The following FSTL4 variants were observed in gnomAD, a reference collection of about 807,000 sequenced individuals.
FSTL4 encodes follistatin like 4.
A neutral mutation model predicts 78.2 loss-of-function variants in FSTL4; 28 were observed. The observed-to-expected ratio is 0.36, with a 90% CI of 0.27 to 0.49. The LOEUF (loss-of-function observed/expected upper bound fraction) is 0.49, where lower values mean the gene tolerates loss of function less well. Among genes scored for constraint, FSTL4 ranks in the 20% least tolerant of loss-of-function variants. The pLI is 0.98. For missense variants in FSTL4, 922 were observed against 1,084.9 expected (o/e 0.85, Z 2.11); for synonymous variants, 422 against 440.5 (o/e 0.96, Z 0.53).
chr5:133,699,198 G>A, the FSTL4 span, among the ~76,000 whole-genome samples: 1 of 152,110 alleles, frequency 6.6e-6, no homozygotes, highest in Admixed American at 6.5e-5. Flanking sequence ...TTGGTATGAT[G>A]TCACTTAGGC....
Position 133,352,547 on chromosome 5 carries a change from C to A in FSTL4, c.410-35895G>T, listed in dbSNP as rs62375987. 5.9e-3 allele frequency among the ~76,000 whole-genome samples: 903 copies of A among 152,134 alleles called. 4 individuals are homozygous for A. Among genetic ancestry groups the A allele is most frequent in the Non-Finnish European group, 9.6e-3 (653 of 67,996 alleles). ...ACCTCAGCCCCCCAAGTAGCTGGTA[C>A]TACAGGGACATGCCACCATGCATAG... is the stretch of plus-strand genomic sequence containing the variant. On this transcript the variant is annotated intron_variant, in intron 4 of 15. Transcript: ENST00000265342.
chr5:133,604,953 G>T (rs1201377990), intron 1 of FSTL4, among the ~76,000 whole-genome samples: 1 of 152,166 alleles, frequency 6.6e-6, no homozygotes, highest in East Asian at 1.9e-4. Flanking sequence ...AAGACAAGAA[G>T]TGAGCAATTC....
At chr5:133,212,315 C>A (rs1004498325) in intron 13 of FSTL4, among the ~76,000 whole-genome samples, 1 of 152,184 alleles carries the variant, frequency 6.6e-6, no homozygotes, top group East Asian at 1.9e-4. Flanking sequence ...AGCAGGAGTC[C>A]AGAGAACTTA....
the FSTL4 span, among the ~76,000 whole-genome samples, chr5:133,634,897 C>T: frequency 2.0e-4 from 30 of 152,228 alleles, no homozygotes; most frequent in Middle Eastern, 3.4e-3. Flanking sequence ...GATTCAGACA[C>T]AATATGGATT....
intron 3 of FSTL4, among the ~76,000 whole-genome samples, chr5:133,512,811 T>A (rs890904276): frequency 1.4e-5 from 2 of 138,106 alleles, no homozygotes; most frequent in African/African-American, 5.0e-5. Context: ...AGAGACTGGA[T>A]AAGATTTTCT....
the FSTL4 span, among the ~76,000 whole-genome samples, chr5:133,684,829 T>C: frequency 6.6e-6 from 1 of 152,162 alleles, no homozygotes; most frequent in Non-Finnish European, 1.5e-5. Flanking sequence ...CTGCATAAAT[T>C]ACGGATGACC....
chr5:133,314,851 T>G (rs945675008), intron 5 of FSTL4, among the ~76,000 whole-genome samples: 6 of 152,172 alleles, frequency 3.9e-5, no homozygotes, highest in African/African-American at 1.2e-4. Context: ...GCAACAATAC[T>G]GATGACCTCT....
chr5:133,666,484 G>T, the FSTL4 span, among the ~76,000 whole-genome samples: 1 of 151,852 alleles, frequency 6.6e-6, no homozygotes, highest in Non-Finnish European at 1.5e-5. Flanking sequence ...GAAACTGCAG[G>T]TATTCTAATT....
chr5:133,480,478 C>T (rs538398853), intron 3 of FSTL4, among the ~76,000 whole-genome samples: 2 of 152,284 alleles, frequency 1.3e-5, no homozygotes, highest in East Asian at 1.9e-4. Context: ...GAATAGCACA[C>T]ATGGCTTTCA....
chr5:133,346,419 A>C (rs1561680946), intron 4 of FSTL4, among the ~76,000 whole-genome samples: 1 of 152,182 alleles, frequency 6.6e-6, no homozygotes, highest in Non-Finnish European at 1.5e-5. Flanking sequence ...TAAATAAATA[A>C]AAAATAAAAA....
intron 7 of FSTL4, among the ~76,000 whole-genome samples, chr5:133,238,444 T>C (rs73275916): frequency 0.024 from 3,684 of 152,320 alleles, 140 homozygotes; most frequent in African/African-American, 0.083. Context: ...CAGAGTGACA[T>C]GTGGTGCCTC....
the FSTL4 span, among the ~76,000 whole-genome samples, chr5:133,671,992 A>G: frequency 4.6e-5 from 7 of 152,202 alleles, no homozygotes; most frequent in South Asian, 1.0e-3. Flanking sequence ...AGAAGTTACT[A>G]TTTATTCCTA....
intron 4 of FSTL4, among the ~76,000 whole-genome samples, chr5:133,325,831 C>G (rs1176422686): frequency 6.6e-6 from 1 of 152,138 alleles, no homozygotes; most frequent in Non-Finnish European, 1.5e-5. Flanking sequence ...AGGACATGCC[C>G]CCATCCTCTT....
At chr5:133,826,510 T>G in the FSTL4 span, among the ~76,000 whole-genome samples, 307 of 152,294 alleles carry the variant, frequency 2.0e-3, no homozygotes, top group African/African-American at 6.8e-3. Flanking sequence ...GCCATCAGCA[T>G]TCCTTGACTT....
intron 4 of FSTL4, among the ~76,000 whole-genome samples, chr5:133,345,589 T>C (rs1045283337): frequency 3.3e-5 from 5 of 152,208 alleles, no homozygotes; most frequent in African/African-American, 1.2e-4. Flanking sequence ...CATCTTGAAT[T>C]AATTTTTGTA....
At chr5:133,501,421 C>T (rs935513182) in intron 3 of FSTL4, among the ~76,000 whole-genome samples, 4 of 152,194 alleles carry the variant, frequency 2.6e-5, no homozygotes, top group African/African-American at 9.6e-5. Flanking sequence ...TTCTAGGAGT[C>T]TGTCCCTCTG....
chr5:133,544,110 CATT>C (rs1021298842), intron 3 of FSTL4, among the ~76,000 whole-genome samples: 10 of 152,168 alleles, frequency 6.6e-5, no homozygotes, highest in Admixed American at 2.0e-4. Context: ...AGTTATGAGA[CATT>C]ATTATTTCAA....
chr5:133,696,745 G>C, the FSTL4 span, among the ~76,000 whole-genome samples: 1 of 152,256 alleles, frequency 6.6e-6, no homozygotes, highest in South Asian at 2.1e-4. Context: ...AGGAGGGGAA[G>C]CCCCAGTGGG....
At chr5:133,482,181 T>C (rs993160490) in intron 3 of FSTL4, among the ~76,000 whole-genome samples, 2 of 152,222 alleles carry the variant, frequency 1.3e-5, no homozygotes, top group African/African-American at 4.8e-5. Flanking sequence ...GGAAATGCCA[T>C]GCAAATGTGT....
Sources: allele counts gnomAD v4.1 joint callset (sites outside exome capture counted in the v4.1 genomes callset), GRCh38; gene constraint gnomAD v4.1.1; transcripts MANE v1.5; gene names NCBI Gene and HGNC (gene_info 2026-07-23, HGNC 2026-07-21).